CSMD2: variants seen among roughly 807,000 people sequenced by gnomAD.
The protein encoded by CSMD2 is CUB and sushi domain-containing protein 2.
A neutral mutation model predicts 398.5 loss-of-function variants in CSMD2; 130 were observed. The observed-to-expected ratio is 0.33, with a 90% CI of 0.28 to 0.38. The LOEUF is 0.38. Among genes scored for constraint, CSMD2 ranks in the 10% least tolerant of loss-of-function variants. The probability of loss-of-function intolerance (pLI) is 1.00; values close to 1 mark genes in which losing one functional copy is unlikely to be tolerated. For synonymous variants in CSMD2, 1,828 were observed against 1,908.5 expected (o/e 0.96, Z 1.10); for missense variants, 3,829 against 4,764.9 (o/e 0.80, Z 5.78).
At chr1:33,820,261 G>T (rs1570110330) in intron 8 of CSMD2, among the ~76,000 whole-genome samples, 1 of 152,130 alleles carries the variant, frequency 6.6e-6, no homozygotes, top group African/African-American at 2.4e-5. Context: ...GCAGTCTACA[G>T]TTCTCTCCCC....
chr1:33,861,675 G>A (rs1408687679), intron 5 of CSMD2, among the ~76,000 whole-genome samples: 2 of 152,140 alleles, frequency 1.3e-5, no homozygotes, highest in Non-Finnish European at 2.9e-5. Flanking sequence ...GGAAACAGAT[G>A]GCCACTCAAA....
chr1:33,735,115 C>T (rs930036192), intron 15 of CSMD2, among the ~76,000 whole-genome samples: 3 of 152,156 alleles, frequency 2.0e-5, no homozygotes, highest in African/African-American at 7.2e-5. Context: ...GCTTTTAAGT[C>T]TTTCATAGAG....
At chr1:33,661,933 C>T (rs1171850875) in intron 26 of CSMD2, among the ~76,000 whole-genome samples, 1 of 152,144 alleles carries the variant, frequency 6.6e-6, no homozygotes, top group African/African-American at 2.4e-5. Context: ...AACTCCCCCC[C>T]TCCCTCCCAC....
chr1:33,953,840 A>C (rs1212566046), intron 3 of CSMD2, among the ~76,000 whole-genome samples: 1 of 152,158 alleles, frequency 6.6e-6, no homozygotes, highest in Non-Finnish European at 1.5e-5. Context: ...AGCTATGAGC[A>C]TGTCCAAAAT....
chr1:33,694,260 C>T (rs147331003), intron 24 of CSMD2, among the ~76,000 whole-genome samples: 27 of 152,154 alleles, frequency 1.8e-4, no homozygotes, highest in African/African-American at 3.9e-4. Context: ...AAGGGGACAA[C>T]GGGGAGTGGC....
intron 3 of CSMD2, among the ~76,000 whole-genome samples, chr1:33,960,380 T>C (rs1645314450): frequency 6.6e-6 from 1 of 152,192 alleles, no homozygotes; most frequent in South Asian, 2.1e-4. Context: ...GGGAGGTAGA[T>C]TCGCTCACAC....
intron 3 of CSMD2, among the ~76,000 whole-genome samples, chr1:34,014,929 C>T (rs2148083142): frequency 6.6e-6 from 1 of 152,354 alleles, no homozygotes; most frequent in African/African-American, 2.4e-5. Flanking sequence ...ATGTGTGCCT[C>T]TAAGCAGGGT....
chr1:33,709,948 C>T (rs1345150657), intron 21 of CSMD2, among the ~76,000 whole-genome samples: 1 of 152,164 alleles, frequency 6.6e-6, no homozygotes. Context: ...AGTCTCATTG[C>T]AGCCTGTTTC....
intron 57 of CSMD2, 40 bp from the exon 58 acceptor site, chr1:33,542,936 G>A (rs140775259): frequency 1.3e-6 from 2 of 1,574,428 alleles, no homozygotes; most frequent in Admixed American, 1.7e-5. Context: ...CAGAACAATG[G>A]TGGGTATCAC....
intron 2 of CSMD2, among the ~76,000 whole-genome samples, chr1:34,047,436 C>T (rs1308077163): frequency 6.6e-6 from 1 of 152,170 alleles, no homozygotes; most frequent in Non-Finnish European, 1.5e-5. Flanking sequence ...CCCCTCCTGT[C>T]CCATTTCCTG....
At chr1:33,811,684 T>C (rs143809641) in intron 9 of CSMD2, among the ~76,000 whole-genome samples, 16 of 152,368 alleles carry the variant, frequency 1.1e-4, no homozygotes, top group Middle Eastern at 3.4e-3. Context: ...TTAAAATAGC[T>C]TCTAAACTAA....
intron 19 of CSMD2, among the ~76,000 whole-genome samples, chr1:33,720,625 C>A (rs1323089128): frequency 2.0e-5 from 3 of 152,206 alleles, no homozygotes; most frequent in Middle Eastern, 6.3e-3. Flanking sequence ...GTAGCTAGAA[C>A]TTAGTTTAGA....
chr1:34,062,926 T>A (rs1317048281), intron 2 of CSMD2, among the ~76,000 whole-genome samples: 3 of 152,168 alleles, frequency 2.0e-5, no homozygotes, highest in Non-Finnish European at 4.4e-5. Flanking sequence ...GACTTACAGT[T>A]CCACATGTCT....
chr1:33,682,467 T>C (rs1390506030), intron 25 of CSMD2, among the ~76,000 whole-genome samples: 1 of 152,214 alleles, frequency 6.6e-6, no homozygotes, highest in East Asian at 1.9e-4. Flanking sequence ...TATGTGGCTT[T>C]TGTGCATATC....
chr1:34,121,009 T>A lies in CSMD2; in HGVS notation c.188-31816A>T, dbSNP rs114234047. Among the ~76,000 whole-genome samples, 1,173 of 152,342 alleles carry A rather than the reference T, an allele frequency of 7.7e-3. 23 individuals carry two copies. Among genetic ancestry groups the A allele is most frequent in the African/African-American group, 0.027 (1,115 of 41,576 alleles). The stretch of plus-strand genomic sequence containing the variant: ...ATATTTACTAACGTATTTGTTTATT[T>A]TCTTTGAATAACCAGACATGCAGAC... On this transcript the variant is annotated intron_variant, in intron 1 of 70. Transcript: ENST00000373381.
At chr1:33,956,508 G>C (rs1456310951) in intron 3 of CSMD2, among the ~76,000 whole-genome samples, 1 of 152,192 alleles carries the variant, frequency 6.6e-6, no homozygotes, top group East Asian at 1.9e-4. Context: ...TTGTGTGTCT[G>C]CTTTTTAAGT....
Position 34,163,903 on chromosome 1 carries a change from G to A in CSMD2, c.187+1008C>T, listed in dbSNP as rs115552250. Among the ~76,000 whole-genome samples the A allele has an allele frequency of 6.6e-6, 1 of 152,126 alleles. No homozygotes were observed. Among genetic ancestry groups the A allele is most frequent in the African/African-American group, 2.4e-5 (1 of 41,440 alleles). ...GTAAAGCGGGAGGGCACCAGTCGCG[G>A]CCAGTAGCCTCCACAGGGGACCGGG... On this transcript the variant is annotated intron_variant, in intron 1 of 70. Transcript: ENST00000373381. The surrounding 1 kb of genome is among the most constrained non-coding windows in gnomAD (Gnocchi z 5.4).
Position 33,533,557 on chromosome 1 carries a change from G to T in CSMD2, c.9991+239C>A, listed in dbSNP as rs1267927670. Among the ~76,000 whole-genome samples, 1 of 145,620 alleles carries T rather than the reference G, an allele frequency of 6.9e-6. No homozygotes were observed. Among genetic ancestry groups the T allele is most frequent in the African/African-American group, 2.6e-5 (1 of 38,688 alleles). On this transcript the variant is annotated intron_variant, in intron 63 of 70. Transcript: ENST00000373381. This position sits in a 1 kb window ranked among gnomAD's most constrained non-coding sequence, Gnocchi z 4.2. Reference sequence around the variant, plus strand: ...CCTGGCCTTGCAGTTGTTAGTTTTTGCTGCTGCCACTGGATAGTTTTTTCT... The same window carrying T: ...CCTGGCCTTGCAGTTGTTAGTTTTTTCTGCTGCCACTGGATAGTTTTTTCT...
intron 15 of CSMD2, among the ~76,000 whole-genome samples, chr1:33,727,727 T>G (rs1029440386): frequency 1.3e-5 from 2 of 152,324 alleles, no homozygotes; most frequent in Admixed American, 1.3e-4. Context: ...ACATCCCTGA[T>G]GACCCATGTT....
Sources: gnomAD v4.1 joint callset for allele counts (sites outside exome capture counted in the v4.1 genomes callset) on GRCh38, gnomAD v4.1.1 for gene constraint, Gnocchi (gnomAD v3.1) non-coding constraint, MANE v1.5 for transcripts, NCBI Gene and HGNC (gene_info 2026-07-23, HGNC 2026-07-21) for gene names.